Variants in THSD4 observed in about 807,000 individuals in gnomAD.
The protein encoded by THSD4 is thrombospondin type 1 domain containing 4.
A neutral mutation model predicts 119.0 loss-of-function variants in THSD4; 69 were observed. That is an observed-to-expected ratio of 0.58 (90% CI 0.48 to 0.71). The LOEUF is 0.71. Ranked by LOEUF, THSD4 falls within the 30% of genes least tolerant of loss-of-function variation. THSD4 has a pLI of 0.00. For synonymous variants in THSD4, 524 were observed against 540.4 expected (o/e 0.97, Z 0.42); for missense variants, 1,393 against 1,391.1 (o/e 1.00, Z -0.02).
chr15:71,452,356 C>T (rs566341318), intron 7 of THSD4, among the ~76,000 whole-genome samples: 26 of 152,128 alleles, frequency 1.7e-4, no homozygotes, highest in Non-Finnish European at 2.9e-4. Context: ...TCTATTCCCA[C>T]CCCCAGGTGT....
At chr15:71,110,332 T>C (rs977611779) in intron 1 of THSD4, 2 of 152,386 alleles carry the variant, frequency 1.3e-5, no homozygotes, top group African/African-American at 4.8e-5. Context: ...ATTACCTTTT[T>C]TGAAAAATAA....
intron 6 of THSD4, among the ~76,000 whole-genome samples, chr15:71,327,736 T>A (rs1403372786): frequency 2.0e-5 from 3 of 152,202 alleles, no homozygotes; most frequent in Non-Finnish European, 4.4e-5. Context: ...TTTATAAATC[T>A]TGATTTTTCT....
intron 7 of THSD4, among the ~76,000 whole-genome samples, chr15:71,590,741 C>T (rs573895892): frequency 3.3e-5 from 5 of 152,174 alleles, no homozygotes; most frequent in African/African-American, 9.6e-5. Flanking sequence ...CGATGGCTCA[C>T]GCCTGTAATC....
At chr15:71,481,164 G>GA (rs1274279447) in intron 7 of THSD4, among the ~76,000 whole-genome samples, 19 of 152,092 alleles carry the variant, frequency 1.2e-4, no homozygotes, top group Admixed American at 1.0e-3. Context: ...TCTAAAAAGT[G>GA]AAAAATTCTC....
chr15:71,185,526 C>T (rs756470506), intron 3 of THSD4: 1 of 151,950 alleles, frequency 6.6e-6, no homozygotes, highest in Non-Finnish European at 1.5e-5. Flanking sequence ...AAAAAAATAA[C>T]AACAATATCT....
At chr15:71,486,106 A>G (rs1211527694) in intron 7 of THSD4, among the ~76,000 whole-genome samples, 1 of 152,130 alleles carries the variant, frequency 6.6e-6, no homozygotes, top group African/African-American at 2.4e-5. Flanking sequence ...ATATTGCAGG[A>G]TATAACATTC....
At chr15:71,197,377 C>T (rs148998283) in intron 3 of THSD4, among the ~76,000 whole-genome samples, 1 of 152,352 alleles carries the variant, frequency 6.6e-6, no homozygotes, top group Non-Finnish European at 1.5e-5. Context: ...TTGGGCAGTT[C>T]AGTCCATCAC....
intron 7 of THSD4, among the ~76,000 whole-genome samples, chr15:71,552,547 G>A (rs2140862303): frequency 6.6e-6 from 1 of 152,196 alleles, no homozygotes; most frequent in East Asian, 1.9e-4. Flanking sequence ...AAAATAGCCA[G>A]TCAGCTATGT....
At chr15:71,165,585 G>A (rs2043287592) in intron 3 of THSD4, among the ~76,000 whole-genome samples, 1 of 152,074 alleles carries the variant, frequency 6.6e-6, no homozygotes, top group Admixed American at 6.6e-5. Context: ...ATGGATCCTG[G>A]GTTGTTGGTC....
chr15:71,588,786 G>A (rs1401817079), intron 7 of THSD4, among the ~76,000 whole-genome samples: 1 of 152,210 alleles, frequency 6.6e-6, no homozygotes, highest in Non-Finnish European at 1.5e-5. Context: ...GGCTGGGGTA[G>A]CTTGGAATAC....
intron 7 of THSD4, among the ~76,000 whole-genome samples, chr15:71,646,585 A>G (rs148146408): frequency 6.6e-6 from 1 of 152,264 alleles, no homozygotes; most frequent in Non-Finnish European, 1.5e-5. Flanking sequence ...TAAATAAAAC[A>G]TAATATGCAT....
At chr15:71,519,821 G>C (rs562346669) in intron 7 of THSD4, among the ~76,000 whole-genome samples, 49 of 152,320 alleles carry the variant, frequency 3.2e-4, no homozygotes, top group African/African-American at 1.2e-3. Context: ...CAAAGGGGGA[G>C]AGTGGGCAAG....
At chr15:71,303,151 A>G (rs548537595) in intron 6 of THSD4, among the ~76,000 whole-genome samples, 1 of 151,852 alleles carries the variant, frequency 6.6e-6, no homozygotes, top group Non-Finnish European at 1.5e-5. Context: ...AACACTGGAA[A>G]CTGTGTTTAT....
intron 7 of THSD4, among the ~76,000 whole-genome samples, chr15:71,460,796 T>C (rs2047419125): frequency 6.6e-6 from 1 of 152,176 alleles, no homozygotes; most frequent in Admixed American, 6.5e-5. Context: ...GCCTAATCAT[T>C]CATTGCAGTC....
chr15:71,391,596 A>G (rs2046380410), intron 6 of THSD4, among the ~76,000 whole-genome samples: 1 of 152,196 alleles, frequency 6.6e-6, no homozygotes, highest in Non-Finnish European at 1.5e-5. Context: ...GGCTATATTT[A>G]TGTTCCGTGT....
chr15:71,191,577 T>C (rs1596259592), intron 3 of THSD4, among the ~76,000 whole-genome samples: 1 of 152,340 alleles, frequency 6.6e-6, no homozygotes, highest in African/African-American at 2.4e-5. Context: ...TTATCATCCC[T>C]GTTTTATCTC....
chr15:71,686,585 C>T (rs534729802), intron 8 of THSD4, among the ~76,000 whole-genome samples: 2 of 152,246 alleles, frequency 1.3e-5, no homozygotes, highest in African/African-American at 4.8e-5. Flanking sequence ...ACGTTTCACC[C>T]ACAAACACCA....
chr15:71,149,880 C>T (rs1313020995), intron 2 of THSD4, among the ~76,000 whole-genome samples: 1 of 152,056 alleles, frequency 6.6e-6, no homozygotes, highest in East Asian at 1.9e-4. Context: ...CCCAGAGCTC[C>T]AGTTCCATGA....
chr15:71,248,038 C>T (rs976873123), intron 5 of THSD4, among the ~76,000 whole-genome samples: 1 of 152,102 alleles, frequency 6.6e-6, no homozygotes, highest in Non-Finnish European at 1.5e-5. Flanking sequence ...TGTGAGAGGC[C>T]CTGGTGGGAG....
Sources: allele counts gnomAD v4.1 joint callset (sites outside exome capture counted in the v4.1 genomes callset), GRCh38; gene constraint gnomAD v4.1.1; transcripts MANE v1.5; gene names NCBI Gene and HGNC (gene_info 2026-07-23, HGNC 2026-07-21).